Variants in SNX3 observed in about 807,000 individuals in gnomAD.
SNX3 encodes sorting nexin 3.
In SNX3, 5 loss-of-function variants were observed where a neutral mutation model predicts 17.7. That is an observed-to-expected ratio of 0.28 (90% confidence interval 0.15 to 0.59). SNX3 has a LOEUF of 0.59. Among genes scored for constraint, SNX3 ranks in the 20% least tolerant of loss-of-function variants. The pLI is 0.88. For synonymous variants in SNX3, 91 were observed against 76.5 expected, an observed-to-expected ratio of 1.19 and a Z score of -0.99; for missense variants, 132 against 206.8, an observed-to-expected ratio of 0.64 and a Z score of 2.22.
chr6:108,228,928 T>A (rs959880346), intron 1 of SNX3, among the ~76,000 whole-genome samples: 1 of 152,136 alleles, frequency 6.6e-6, no homozygotes, highest in Non-Finnish European at 1.5e-5. Context: ...AACTCAGCCA[T>A]AGGTTAATCA....
intron 2 of SNX3, among the ~76,000 whole-genome samples, chr6:108,215,450 C>G (rs1774539705): frequency 6.6e-6 from 1 of 152,048 alleles, no homozygotes; most frequent in Non-Finnish European, 1.5e-5. Flanking sequence ...ACCAATAACT[C>G]TAGTTGTCAC....
At chr6:108,236,825 A>T (rs999308923) in intron 1 of SNX3, among the ~76,000 whole-genome samples, 1 of 152,214 alleles carries the variant, frequency 6.6e-6, no homozygotes, top group Non-Finnish European at 1.5e-5. Flanking sequence ...ATATATTAAT[A>T]AACTCTTCCA....
intron 1 of SNX3, among the ~76,000 whole-genome samples, chr6:108,228,319 C>G (rs1034280250): frequency 2.0e-5 from 3 of 152,038 alleles, no homozygotes; most frequent in Admixed American, 6.6e-5. Flanking sequence ...GAGGCCAAGG[C>G]GGGTGGATCA....
At chr6:108,231,122 T>G (rs1775136590) in intron 1 of SNX3, among the ~76,000 whole-genome samples, 1 of 151,954 alleles carries the variant, frequency 6.6e-6, no homozygotes, top group Non-Finnish European at 1.5e-5. Flanking sequence ...TTTTTTTTTT[T>G]TGAGACACAG....
intron 1 of SNX3, among the ~76,000 whole-genome samples, chr6:108,241,135 C>T (rs1250210758): frequency 8.4e-6 from 1 of 119,728 alleles, no homozygotes; most frequent in Non-Finnish European, 1.6e-5. Flanking sequence ...TAGAGCAAGA[C>T]TCCGTCTCAA....
chr6:108,233,568 G>A (rs1775233246), intron 1 of SNX3, among the ~76,000 whole-genome samples: 1 of 152,110 alleles, frequency 6.6e-6, no homozygotes, highest in South Asian at 2.1e-4. Flanking sequence ...GGCCAACACG[G>A]TGAAACCCTG....
chr6:108,229,118 G>C (rs1775059108), intron 1 of SNX3, among the ~76,000 whole-genome samples: 1 of 151,880 alleles, frequency 6.6e-6, no homozygotes, highest in Non-Finnish European at 1.5e-5. Flanking sequence ...ACATTAGCCG[G>C]GTGAGGTGGC....
At chr6:108,212,281 C>T in intron 3 of SNX3, 27 bp from the exon 4 acceptor site, 1 of 1,465,862 alleles carries the variant, frequency 6.8e-7, no homozygotes, top group Non-Finnish European at 9.5e-7. Context: ...TAAATTTAGT[C>T]CAATATTTTA....
chr6:108,224,277 A>G (rs1774909816), intron 1 of SNX3, among the ~76,000 whole-genome samples: 1 of 151,340 alleles, frequency 6.6e-6, no homozygotes, highest in African/African-American at 2.4e-5. Context: ...TCACTTAACT[A>G]CTTTTTTTGA....
chr6:108,251,851 C>A (rs1775868527), intron 1 of SNX3, among the ~76,000 whole-genome samples: 1 of 151,998 alleles, frequency 6.6e-6, no homozygotes, highest in South Asian at 2.1e-4. Context: ...CACTTGAGGC[C>A]AGGAGTTCGA....
chr6:108,245,156 T>A (rs1270797438), intron 1 of SNX3, among the ~76,000 whole-genome samples: 1 of 151,928 alleles, frequency 6.6e-6, no homozygotes, highest in African/African-American at 2.4e-5. Context: ...TTCCCCTCCC[T>A]GTGTCCATGT....
At chr6:108,252,053 A>G (rs917445194) in intron 1 of SNX3, among the ~76,000 whole-genome samples, 1 of 150,960 alleles carries the variant, frequency 6.6e-6, no homozygotes, top group Non-Finnish European at 1.5e-5. Context: ...CAACAGGGTG[A>G]GAGACTGTCT....
chr6:108,259,473 C>T (rs372344616), intron 1 of SNX3, among the ~76,000 whole-genome samples: 25 of 152,236 alleles, frequency 1.6e-4, no homozygotes, highest in African/African-American at 5.8e-4. Context: ...CCTCGGTGAT[C>T]CGCCCAGCTC....
intron 1 of SNX3, among the ~76,000 whole-genome samples, chr6:108,250,326 A>C (rs1341207520): frequency 6.6e-6 from 1 of 152,198 alleles, no homozygotes. Flanking sequence ...AAGATAGTAA[A>C]CATACTGTTT....
intron 1 of SNX3, among the ~76,000 whole-genome samples, chr6:108,226,214 A>G (rs1462153730): frequency 6.6e-6 from 1 of 152,156 alleles, no homozygotes; most frequent in Non-Finnish European, 1.5e-5. Context: ...AGCTCAGACT[A>G]TAGGCGCATG....
intron 3 of SNX3, among the ~76,000 whole-genome samples, chr6:108,212,839 ATTTTAATG>A (rs1418956330): frequency 6.7e-6 from 1 of 149,682 alleles, no homozygotes; most frequent in Non-Finnish European, 1.5e-5. Flanking sequence ...ACTTAAATTA[ATTTTAATG>A]TTAAAAGTGA....
rs1774842226 is a variant in SNX3, at chr6:108,222,861, C to T, written c.258+89G>A. Reference sequence around the variant, plus strand: ...AAAAGAAATCATATTTGCTTTTACCCATTTTATTCAATATCATTTTCCTGA... The same window carrying T: ...AAAAGAAATCATATTTGCTTTTACCTATTTTATTCAATATCATTTTCCTGA... On this transcript the variant is annotated intron_variant, in intron 2 of 3. Coordinates refer to ENST00000230085, the MANE Select transcript of SNX3 (RefSeq NM_003795.6). 29 of 769,420 alleles carry T rather than the reference C, an allele frequency of 3.8e-5. No individual in the cohort carries two copies. In the South Asian group the frequency reaches 4.2e-4, roughly 11 times the overall value. 47.7% of individuals were successfully genotyped at this position (769,420 alleles called of 1,614,324 possible). A position where few individuals can be genotyped will look rare whatever the true frequency, so the allele number is the denominator to read the frequency against.
chr6:108,259,044 GA>G (rs1047950722), intron 1 of SNX3, among the ~76,000 whole-genome samples: 1 of 149,870 alleles, frequency 6.7e-6, no homozygotes, highest in East Asian at 1.9e-4. Flanking sequence ...GCACAAGAAA[GA>G]AAAAAAAAGA....
intron 1 of SNX3, among the ~76,000 whole-genome samples, chr6:108,256,794 A>G (rs1369113939): frequency 2.0e-5 from 3 of 152,244 alleles, no homozygotes; most frequent in South Asian, 2.1e-4. Context: ...CTTCTCTTGA[A>G]TATGCCTAAA....
Sources: allele counts gnomAD v4.1 joint callset (sites outside exome capture counted in the v4.1 genomes callset), GRCh38; gene constraint gnomAD v4.1.1; transcripts MANE v1.5; gene names NCBI Gene and HGNC (gene_info 2026-07-23, HGNC 2026-07-21).